EYS: variants seen among roughly 807,000 people sequenced by gnomAD.
The protein encoded by EYS is EGF-like photoreceptor maintenance factor.
EYS carries 250 observed loss-of-function variants against 282.1 expected under a neutral mutation model. The ratio of observed to expected loss-of-function variants is 0.89; its 90% CI spans 0.80 to 0.98. EYS has a LOEUF of 0.98. Ranked by LOEUF, EYS falls within the 50% of genes least tolerant of loss-of-function variation. The probability of loss-of-function intolerance (pLI) is 0.00; values close to 1 mark genes in which losing one functional copy is unlikely to be tolerated. For missense variants in EYS, 4,016 were observed against 3,709.0 expected, an observed-to-expected ratio of 1.08 and a Z score of -2.15; for synonymous variants, 1,355 against 1,282.9, an observed-to-expected ratio of 1.06 and a Z score of -1.20.
rs1414818995 is a variant in EYS at position 63,975,288 on chromosome 6, T to C, written c.7055+9095A>G. Among the ~76,000 whole-genome samples the C allele has an allele frequency of 5.9e-5, 9 of 152,004 alleles. No homozygotes were observed. The South Asian group carries it at 8.3e-4, about 14-fold the overall frequency. The stretch of plus-strand genomic sequence containing the variant: ...AAGGTTTCCATGTCTTATTTGTCTT[T>C]ATGAATCCCACGATCATTACACTGC... On this transcript the variant is annotated intron_variant, in intron 35 of 42. Transcript: ENST00000503581.
intron 2 of EYS, among the ~76,000 whole-genome samples, chr6:65,530,426 A>G (rs538274247): frequency 3.9e-5 from 6 of 152,308 alleles, no homozygotes; most frequent in African/African-American, 1.2e-4. Context: ...AGTATTGTCT[A>G]TGACTTCTAA....
chr6:65,701,632 C>T (rs995373387), intron 1 of EYS, among the ~76,000 whole-genome samples: 1 of 152,090 alleles, frequency 6.6e-6, no homozygotes, highest in Admixed American at 6.6e-5. Context: ...ATCTGGATAG[C>T]TTTTATTATT....
At chr6:65,519,577 T>C (rs1268288532) in intron 2 of EYS, among the ~76,000 whole-genome samples, 2 of 148,086 alleles carry the variant, frequency 1.4e-5, no homozygotes, top group East Asian at 2.0e-4. Context: ...GTGAATAAGA[T>C]ATTTTTCATG....
chr6:64,741,365 C>T (rs139948159), intron 22 of EYS, among the ~76,000 whole-genome samples: 17 of 152,240 alleles, frequency 1.1e-4, no homozygotes, highest in African/African-American at 2.6e-4. Flanking sequence ...CTGTCATCCA[C>T]GCTTTGTTCC....
intron 12 of EYS, among the ~76,000 whole-genome samples, chr6:65,132,853 C>T (rs924502696): frequency 3.3e-5 from 5 of 151,882 alleles, no homozygotes; most frequent in African/African-American, 1.2e-4. Flanking sequence ...TAATAAACAA[C>T]CTCAGTGAAG....
intron 31 of EYS, among the ~76,000 whole-genome samples, chr6:64,206,151 C>T (rs963788784): frequency 6.6e-6 from 1 of 151,886 alleles, no homozygotes; most frequent in African/African-American, 2.4e-5. Flanking sequence ...TTGAAAGAAA[C>T]TAAAAATTAT....
chr6:65,107,848 T>A (rs9688482), intron 12 of EYS, among the ~76,000 whole-genome samples: 34,220 of 151,818 alleles, frequency 0.23, 4,369 homozygotes, highest in African/African-American at 0.34. Context: ...ATGATTTACA[T>A]CCTTGATTTT....
intron 2 of EYS, among the ~76,000 whole-genome samples, chr6:65,585,840 T>C (rs925850853): frequency 6.6e-5 from 10 of 151,940 alleles, no homozygotes; most frequent in African/African-American, 1.7e-4. Context: ...GCTTCACTTA[T>C]AGAAAAAAAT....
intron 33 of EYS, among the ~76,000 whole-genome samples, chr6:64,065,840 C>A (rs1460125148): frequency 6.6e-6 from 1 of 152,148 alleles, no homozygotes; most frequent in African/African-American, 2.4e-5. Context: ...ATTTGTAGTT[C>A]ATTCCACCAA....
intron 29 of EYS, among the ~76,000 whole-genome samples, chr6:64,324,930 G>C (rs1770355242): frequency 6.6e-6 from 1 of 152,076 alleles, no homozygotes; most frequent in African/African-American, 2.4e-5. Flanking sequence ...ACCACACAAA[G>C]AGAACTACAA....
chr6:65,491,741 C>A (rs1766052492), intron 4 of EYS, among the ~76,000 whole-genome samples: 1 of 151,990 alleles, frequency 6.6e-6, no homozygotes, highest in African/African-American at 2.4e-5. Flanking sequence ...TAAATTGTGC[C>A]CACCCACCGC....
At chr6:65,557,174 C>A (rs1280492502) in intron 2 of EYS, among the ~76,000 whole-genome samples, 1 of 152,138 alleles carries the variant, frequency 6.6e-6, no homozygotes, top group Non-Finnish European at 1.5e-5. Flanking sequence ...GCCAGTAAAG[C>A]CTCTGCTTGA....
intron 33 of EYS, among the ~76,000 whole-genome samples, chr6:64,061,848 G>T (rs1771182169): frequency 6.6e-6 from 1 of 152,108 alleles, no homozygotes; most frequent in Admixed American, 6.5e-5. Flanking sequence ...AAGTTAGCCA[G>T]GTGTGGGGAC....
At chr6:64,321,563 A>C (rs1770220941) in intron 29 of EYS, among the ~76,000 whole-genome samples, 1 of 151,922 alleles carries the variant, frequency 6.6e-6, no homozygotes, top group African/African-American at 2.4e-5. Flanking sequence ...AAAAATAAAG[A>C]AGTAGGATAT....
intron 30 of EYS, among the ~76,000 whole-genome samples, chr6:64,260,744 T>C (rs1285108250): frequency 6.6e-6 from 1 of 152,044 alleles, no homozygotes; most frequent in Non-Finnish European, 1.5e-5. Context: ...AATTATCTTT[T>C]CCATAACATC....
intron 41 of EYS, among the ~76,000 whole-genome samples, chr6:63,757,107 T>G (rs958065584): frequency 7.2e-5 from 11 of 152,118 alleles, no homozygotes; most frequent in African/African-American, 2.7e-4. Context: ...AGCCATATTT[T>G]TCTTCTTGCA....
chr6:64,602,227 C>T (rs910092255), intron 24 of EYS, among the ~76,000 whole-genome samples: 3 of 152,040 alleles, frequency 2.0e-5, no homozygotes, highest in Non-Finnish European at 4.4e-5. Context: ...TTGTATGCTG[C>T]TAACCAATTA....
chr6:64,591,123 AGTGGGACT>A lies in EYS; in HGVS notation c.4736_4743del (p.Gln1579LeufsTer3). The A allele has an allele frequency of 6.4e-7, 1 of 1,551,310 alleles. No homozygotes were observed. ...GAGTTCATCCAGAATGTCTCATAAA[AGTGGGACT>A]GTTTGCTATGCAAAACTTGATCTGA... On this transcript the variant is annotated frameshift_variant, in exon 26 of 43. Transcript: ENST00000503581. LOFTEE classifies it high-confidence loss of function.
intron 33 of EYS, among the ~76,000 whole-genome samples, chr6:64,065,634 A>G (rs1771338713): frequency 6.6e-6 from 1 of 152,186 alleles, no homozygotes; most frequent in Admixed American, 6.5e-5. Flanking sequence ...TGTGCAGTCA[A>G]TGGCTCCCAC....
Sources: allele counts gnomAD v4.1 joint callset (sites outside exome capture counted in the v4.1 genomes callset), GRCh38; gene constraint gnomAD v4.1.1; transcripts MANE v1.5; gene names NCBI Gene and HGNC (gene_info 2026-07-23, HGNC 2026-07-21).